ZNF721: variants seen among roughly 807,000 people sequenced by gnomAD.
The protein encoded by ZNF721 is zinc finger protein 721.
Under a neutral mutation model 2.4 loss-of-function variants are expected in ZNF721, and 2 were observed. The observed-to-expected ratio is 0.82, with a 90% CI of 0.34 to 2.58. The LOEUF (loss-of-function observed/expected upper bound fraction) is 2.58. Ranked by LOEUF, ZNF721 falls within the 30% of genes most tolerant of loss-of-function variation. The pLI is 0.11. For synonymous variants in ZNF721, 398 were observed against 381.8 expected (o/e 1.04, Z -0.50); for missense variants, 1,187 against 1,085.5 (o/e 1.09, Z -1.31).
rs1553863336 is a variant in ZNF721, at chr4:442,325, T to G, written c.2142A>C (p.Thr714=). The change falls in exon 3 of 3, where the codon ACA becomes ACC. Residue 714 remains threonine (T), a synonymous_variant. Transcript: ENST00000511833. ...TCTCCCTAGTGTGAACTCTCCTATG[T>G]GTAGTAAGGTTTCTTGACCTACTAA... ...KAFSRSRNLT[T]HRRVHTREKP... is the part of the protein sequence containing the mutation. 6.2e-7 allele frequency: 1 copy of G among 1,613,912 alleles called. No individual in the cohort carries two copies. The highest frequency in any genetic ancestry group is 8.5e-7 in the Non-Finnish European group (1 of 1,179,814).
chr4:490,233 T>G (rs541321335), intron 1 of ZNF721, among the ~76,000 whole-genome samples: 1 of 151,922 alleles, frequency 6.6e-6, no homozygotes, highest in African/African-American at 2.4e-5. Context: ...TCCCAGCACT[T>G]TGGGAGGCTG....
intron 2 of ZNF721, among the ~76,000 whole-genome samples, chr4:460,255 G>A (rs1166881325): frequency 2.0e-5 from 3 of 152,136 alleles, no homozygotes; most frequent in Non-Finnish European, 4.4e-5. Flanking sequence ...AGACAACAGT[G>A]CAATCAAATT....
At chr4:456,185 C>T (rs1156621898) in intron 2 of ZNF721, among the ~76,000 whole-genome samples, 15 of 152,088 alleles carry the variant, frequency 9.9e-5, no homozygotes, top group African/African-American at 3.1e-4. Flanking sequence ...ATTCTCCTGC[C>T]TTAGTCTCCT....
intron 1 of ZNF721, among the ~76,000 whole-genome samples, chr4:492,987 C>T (rs1001947240): frequency 4.6e-5 from 7 of 151,506 alleles, no homozygotes; most frequent in Non-Finnish European, 8.8e-5. Context: ...TTGGAAAATA[C>T]CCAAATAATG....
chr4:468,409 G>A (rs907851465), intron 2 of ZNF721, among the ~76,000 whole-genome samples: 9 of 151,256 alleles, frequency 6.0e-5, no homozygotes, highest in Non-Finnish European at 1.5e-5. Flanking sequence ...CAGCCTGGGC[G>A]ACAGAACCAG....
In ZNF721 at chr4:440,428, C is replaced by T. The variant is rs1228768425; in HGVS notation, c.*1267G>A. The stretch of plus-strand genomic sequence containing the variant: ...TTTTTTCAAGTGAAAAAATATATTT[C>T]GAATATATCTCTTCAAAAACCTACT... On this transcript the variant is annotated 3_prime_UTR_variant, in exon 3 of 3. Coordinates refer to ENST00000511833, the MANE Select transcript of ZNF721 (RefSeq NM_133474.4). 2 of 151,992 alleles carry T rather than the reference C, an allele frequency of 1.3e-5. No individual in the cohort carries two copies. The highest frequency in any genetic ancestry group is 6.6e-5 in the Admixed American group (1 of 15,260). The allele number at this position is 151,992 out of a possible 1,614,324, so 9.4% of individuals were successfully genotyped here.
intron 2 of ZNF721, among the ~76,000 whole-genome samples, chr4:446,170 G>A (rs782536115): frequency 3.3e-5 from 5 of 152,056 alleles, no homozygotes; most frequent in Non-Finnish European, 5.9e-5. Flanking sequence ...ACGAAAATAT[G>A]TAACTTTCTG....
intron 2 of ZNF721, among the ~76,000 whole-genome samples, chr4:465,428 G>GT (rs1328654683): frequency 3.0e-5 from 4 of 133,118 alleles, no homozygotes; most frequent in Non-Finnish European, 6.1e-5. Context: ...CTAGGCTTTT[G>GT]TTTTTTGTTT....
Position 484,848 on chromosome 4 carries a change from A to G in ZNF721, c.-93-12147T>C, listed in dbSNP as rs544383436. Among the ~76,000 whole-genome samples the G allele has an allele frequency of 1.1e-3, 166 of 152,274 alleles. 1 individual carries two copies. The highest frequency in any genetic ancestry group is 2.1e-4 in the Non-Finnish European group (14 of 68,026). ...CTTGTGATATTCTATTACCCTGTTA[A>G]GTACTTGAAGTCTGTCACCCACACC... is the stretch of plus-strand genomic sequence containing the variant. On this transcript the variant is annotated intron_variant, in intron 1 of 2. Coordinates refer to ENST00000511833, the MANE Select transcript of ZNF721 (RefSeq NM_133474.4).
At chr4:488,151 G>A (rs1715941305) in intron 1 of ZNF721, among the ~76,000 whole-genome samples, 1 of 152,220 alleles carries the variant, frequency 6.6e-6, no homozygotes, top group African/African-American at 2.4e-5. Flanking sequence ...CACCCACCCT[G>A]TGGAGTGCTT....
chr4:449,234 T>G (rs1239986592), intron 2 of ZNF721, among the ~76,000 whole-genome samples: 1 of 152,096 alleles, frequency 6.6e-6, no homozygotes, highest in African/African-American at 2.4e-5. Flanking sequence ...AAAAATAATA[T>G]CTAAAAGAGA....
intron 2 of ZNF721, among the ~76,000 whole-genome samples, chr4:459,418 AAC>A (rs1714946389): frequency 6.6e-6 from 1 of 152,180 alleles, no homozygotes. Context: ...TGCAAAGACA[AAC>A]ACAGGCTCAA....
At chr4:450,539 GA>G (rs1193596556) in intron 2 of ZNF721, among the ~76,000 whole-genome samples, 1 of 151,314 alleles carries the variant, frequency 6.6e-6, no homozygotes, top group African/African-American at 2.4e-5. Flanking sequence ...AAAGGCTCAG[GA>G]AAAAAAATAT....
intron 1 of ZNF721, among the ~76,000 whole-genome samples, chr4:485,983 T>A (rs1715885804): frequency 6.6e-6 from 1 of 151,112 alleles, no homozygotes; most frequent in Non-Finnish European, 1.5e-5. Flanking sequence ...AAAAAATAAA[T>A]AAATAAATAA....
At chr4:473,337 G>C (rs1391063733) in intron 1 of ZNF721, among the ~76,000 whole-genome samples, 1 of 152,078 alleles carries the variant, frequency 6.6e-6, no homozygotes, top group Non-Finnish European at 1.5e-5. Context: ...AGAGAAAGCA[G>C]ACACAGCACA....
intron 2 of ZNF721, among the ~76,000 whole-genome samples, chr4:452,310 A>T (rs1714694739): frequency 6.6e-6 from 1 of 152,216 alleles, no homozygotes; most frequent in Non-Finnish European, 1.5e-5. Flanking sequence ...CAAAAACTGT[A>T]AAATTCCTTG....
At chr4:482,553 G>C (rs7674542) in intron 1 of ZNF721, among the ~76,000 whole-genome samples, 2 of 151,368 alleles carry the variant, frequency 1.3e-5, no homozygotes, top group African/African-American at 4.9e-5. Context: ...TTGAAGTGAA[G>C]TGGCGTGATC....
At chr4:486,046 C>G (rs761794615) in intron 1 of ZNF721, among the ~76,000 whole-genome samples, 9 of 152,046 alleles carry the variant, frequency 5.9e-5, no homozygotes, top group Non-Finnish European at 1.2e-4. Flanking sequence ...GATTTGGGAA[C>G]TTTAAATACC....
chr4:474,672 C>G (rs1715578788), intron 1 of ZNF721, among the ~76,000 whole-genome samples: 1 of 151,852 alleles, frequency 6.6e-6, no homozygotes, highest in Admixed American at 6.6e-5. Flanking sequence ...GTGAGGAGTT[C>G]AAGACCAGCC....
Sources: allele counts gnomAD v4.1 joint callset (sites outside exome capture counted in the v4.1 genomes callset), GRCh38; gene constraint gnomAD v4.1.1; transcripts MANE v1.5; gene names NCBI Gene and HGNC (gene_info 2026-07-23, HGNC 2026-07-21).